Variants in PSD3 observed in about 807,000 individuals in gnomAD.
PSD3 encodes pleckstrin and Sec7 domain containing 3, also known as PH and SEC7 domain-containing protein 3.
In PSD3, 49 loss-of-function variants were observed where a neutral mutation model predicts 105.5. That is an observed-to-expected ratio of 0.46 (90% CI 0.37 to 0.59). PSD3 has a LOEUF of 0.59. Ranked by LOEUF, PSD3 falls within the 20% of genes least tolerant of loss-of-function variation. The pLI, the probability that PSD3 is intolerant of heterozygous loss-of-function variation, is 0.00. For missense variants in PSD3, 1,561 were observed against 1,263.8 expected, an observed-to-expected ratio of 1.24 and a Z score of -3.57; for synonymous variants, 557 against 457.8, an observed-to-expected ratio of 1.22 and a Z score of -2.77.
At chr8:19,069,354 A>G (rs1829179161) in intron 1 of PSD3, among the ~76,000 whole-genome samples, 2 of 151,984 alleles carry the variant, frequency 1.3e-5, no homozygotes, top group Admixed American at 1.3e-4. Flanking sequence ...AGAACAAAAC[A>G]CCATTCTTCC....
chr8:18,727,252 G>T (rs1398432102), intron 9 of PSD3, among the ~76,000 whole-genome samples: 1 of 146,458 alleles, frequency 6.8e-6, no homozygotes, highest in Non-Finnish European at 1.5e-5. Context: ...CAGGAGAATC[G>T]ATTGAACCTG....
chr8:18,859,167 G>T (rs1306942595), intron 4 of PSD3, among the ~76,000 whole-genome samples: 1 of 151,690 alleles, frequency 6.6e-6, no homozygotes, highest in African/African-American at 2.4e-5. Flanking sequence ...CTCCATCAGA[G>T]CTCCCGGGTG....
chr8:18,579,180 G>A (rs1391208825), intron 12 of PSD3, among the ~76,000 whole-genome samples: 1 of 149,946 alleles, frequency 6.7e-6, no homozygotes, highest in African/African-American at 2.5e-5. Context: ...GTTGACAATT[G>A]GATTAAAAAA....
chr8:18,644,588 G>A (rs1314089001), intron 10 of PSD3, among the ~76,000 whole-genome samples: 5 of 152,152 alleles, frequency 3.3e-5, no homozygotes, highest in Admixed American at 2.6e-4. Flanking sequence ...CTTAAGTAAT[G>A]TCTAAGAAGT....
chr8:18,642,820 T>A (rs563573921), intron 10 of PSD3, among the ~76,000 whole-genome samples: 1 of 152,212 alleles, frequency 6.6e-6, no homozygotes, highest in Non-Finnish European at 1.5e-5. Context: ...CACTTAGACA[T>A]GAAGCAAACA....
rs1806475099 is a variant in PSD3 at position 18,626,340 on chromosome 8, A to G, written c.2410+6273T>C. Among the ~76,000 whole-genome samples the G allele has an allele frequency of 1.5e-5, 2 of 135,800 alleles. 1 individual carries two copies. Among genetic ancestry groups the G allele is most frequent in the East Asian group, 4.3e-4 (2 of 4,602 alleles). 89.1% of individuals were successfully genotyped at this position (135,800 alleles called of 152,430 possible). A position where few individuals can be genotyped will look rare whatever the true frequency, so the allele number is the denominator to read the frequency against. On this transcript the variant is annotated intron_variant, in intron 11 of 15. Coordinates refer to ENST00000327040, the MANE Select transcript of PSD3 (RefSeq NM_015310.4). ...TTAAAACAAAATAACCTTTCCATGC[A>G]GCTTTGATTCAAATTTTCACTTATA...
Position 18,843,132 on chromosome 8 carries a change from G to A in PSD3, c.1634+24542C>T, listed in dbSNP as rs556664127. On this transcript the variant is annotated intron_variant, in intron 4 of 15. Coordinates refer to ENST00000327040, the MANE Select transcript of PSD3 (RefSeq NM_015310.4). ...ATTGCTCTCTTTGGGAGGCCGAGAC[G>A]GGCGGATCACGAGGTCAGGCGATCG... Among the ~76,000 whole-genome samples the A allele has an allele frequency of 2.6e-5, 4 of 152,148 alleles. No individual in the cohort carries two copies. In the South Asian group the frequency reaches 6.2e-4, roughly 24 times the overall value.
At chr8:18,975,529 T>C (rs1824897010) in intron 1 of PSD3, among the ~76,000 whole-genome samples, 1 of 152,124 alleles carries the variant, frequency 6.6e-6, no homozygotes, top group South Asian at 2.1e-4. Flanking sequence ...AAGTCCCTCA[T>C]TCTTTATCCA....
At chr8:19,059,789 T>C (rs12056663) in intron 1 of PSD3, among the ~76,000 whole-genome samples, 64,042 of 152,114 alleles carry the variant, frequency 0.42, 14,003 homozygotes, top group Middle Eastern at 0.47. Context: ...GCCTTTCTCT[T>C]GGATCATTTG....
chr8:18,899,804 ATC>A (rs1819387629), intron 2 of PSD3, among the ~76,000 whole-genome samples: 1 of 152,128 alleles, frequency 6.6e-6, no homozygotes, highest in South Asian at 2.1e-4. Flanking sequence ...AAAGATTGGT[ATC>A]TGTGTTTATC....
intron 1 of PSD3, among the ~76,000 whole-genome samples, chr8:18,940,871 T>C (rs1461483329): frequency 6.6e-6 from 1 of 152,142 alleles, no homozygotes; most frequent in South Asian, 2.1e-4. Context: ...AGTTCCCCAA[T>C]AAAACACCCT....
chr8:18,784,225 G>A (rs1808909112), intron 8 of PSD3, among the ~76,000 whole-genome samples: 1 of 151,988 alleles, frequency 6.6e-6, no homozygotes, highest in Non-Finnish European at 1.5e-5. Flanking sequence ...TATCGTGCGT[G>A]GTGATTCTAA....
At chr8:18,931,603 A>G (rs1412498228) in intron 2 of PSD3, among the ~76,000 whole-genome samples, 1 of 152,228 alleles carries the variant, frequency 6.6e-6, no homozygotes, top group Non-Finnish European at 1.5e-5. Context: ...CCTTAAAATT[A>G]TAACACATTT....
intron 15 of PSD3, among the ~76,000 whole-genome samples, chr8:18,545,072 C>A (rs1362482941): frequency 6.6e-6 from 1 of 152,150 alleles, no homozygotes; most frequent in Non-Finnish European, 1.5e-5. Flanking sequence ...GTATGCAATT[C>A]CTGTTGAAAA....
At chr8:18,579,935 G>C (rs1802699363) in intron 12 of PSD3, among the ~76,000 whole-genome samples, 1 of 152,024 alleles carries the variant, frequency 6.6e-6, no homozygotes, top group African/African-American at 2.4e-5. Flanking sequence ...TATAAAAAGG[G>C]AAAGTGAGAC....
chr8:19,055,212 A>C (rs1014806941), intron 1 of PSD3, among the ~76,000 whole-genome samples: 26 of 152,222 alleles, frequency 1.7e-4, no homozygotes, highest in African/African-American at 4.8e-4. Context: ...CCCAAGAGGC[A>C]GTTCATACAA....
intron 4 of PSD3, among the ~76,000 whole-genome samples, chr8:18,852,975 G>T (rs1815713969): frequency 6.6e-6 from 1 of 152,096 alleles, no homozygotes; most frequent in East Asian, 1.9e-4. Context: ...CGAAGAAGCT[G>T]AGCTTCAGAA....
intron 8 of PSD3, among the ~76,000 whole-genome samples, chr8:18,791,836 G>A (rs1282735724): frequency 3.3e-5 from 5 of 152,202 alleles, no homozygotes; most frequent in African/African-American, 1.2e-4. Context: ...ATCTGACAAT[G>A]GTCTAATACC....
chr8:18,770,939 G>A (rs919714110), intron 8 of PSD3, among the ~76,000 whole-genome samples: 2 of 152,200 alleles, frequency 1.3e-5, no homozygotes, highest in Non-Finnish European at 1.5e-5. Context: ...ATTGCCGATG[G>A]AAGTGGCTCT....
Sources: gnomAD v4.1 joint callset for allele counts (sites outside exome capture counted in the v4.1 genomes callset) on GRCh38, gnomAD v4.1.1 for gene constraint, MANE v1.5 for transcripts, NCBI Gene and HGNC (gene_info 2026-07-23, HGNC 2026-07-21) for gene names.